Variants in TTLL11 observed in about 807,000 individuals in gnomAD.
The protein encoded by TTLL11 is tubulin polyglutamylase TTLL11.
In TTLL11, 42 loss-of-function variants were observed where a neutral mutation model predicts 51.7. The observed-to-expected ratio is 0.81, with a 90% CI of 0.64 to 1.05. The LOEUF (loss-of-function observed/expected upper bound fraction) is 1.05, where lower values mean the gene tolerates loss of function less well. Ranked by LOEUF, TTLL11 falls within the 50% of genes least tolerant of loss-of-function variation. The pLI is 0.00. For synonymous variants in TTLL11, 381 were observed against 383.5 expected, an observed-to-expected ratio of 0.99 and a Z score of 0.08; for missense variants, 799 against 940.4, an observed-to-expected ratio of 0.85 and a Z score of 1.97.
At chr9:121,999,701 T>C in intron 3 of TTLL11, among the ~76,000 whole-genome samples, 1 of 152,188 alleles carries the variant, frequency 6.6e-6, no homozygotes, top group Non-Finnish European at 1.5e-5. Flanking sequence ...CATCAAACTG[T>C]CATTTTTATA....
intron 1 of TTLL11, among the ~76,000 whole-genome samples, chr9:122,090,657 G>A (rs1016167944): frequency 3.9e-5 from 6 of 152,074 alleles, no homozygotes; most frequent in Non-Finnish European, 4.4e-5. Flanking sequence ...TTCATTCAAC[G>A]AATATTTATT....
intron 3 of TTLL11, among the ~76,000 whole-genome samples, chr9:122,018,039 CTA>C (rs1212764355): frequency 1.3e-5 from 2 of 151,662 alleles, no homozygotes; most frequent in Non-Finnish European, 2.9e-5. Context: ...TTTCACATGC[CTA>C]TACTAATTGA....
chr9:122,027,746 G>A (rs1003070415), intron 3 of TTLL11, among the ~76,000 whole-genome samples: 1 of 152,196 alleles, frequency 6.6e-6, no homozygotes, highest in African/African-American at 2.4e-5. Context: ...CCTGCACTGT[G>A]AGAAATGTGT....
At chr9:122,056,810 C>G (rs191643247) in intron 1 of TTLL11, among the ~76,000 whole-genome samples, 4 of 152,234 alleles carry the variant, frequency 2.6e-5, no homozygotes, top group East Asian at 3.9e-4. Flanking sequence ...CCAACAGAAC[C>G]GCTAATGCAA....
At chr9:121,958,353 G>T (rs553633480) in intron 6 of TTLL11, among the ~76,000 whole-genome samples, 1 of 152,142 alleles carries the variant, frequency 6.6e-6, no homozygotes, top group Non-Finnish European at 1.5e-5. Context: ...ATGGGTCTTT[G>T]CTCTGCCTTA....
At chr9:121,851,610 T>C (rs1225349724) in intron 8 of TTLL11, among the ~76,000 whole-genome samples, 1 of 152,204 alleles carries the variant, frequency 6.6e-6, no homozygotes, top group Non-Finnish European at 1.5e-5. Flanking sequence ...CTGGAGAAGA[T>C]ACAGTCAGGA....
intron 3 of TTLL11, among the ~76,000 whole-genome samples, chr9:122,009,845 T>A (rs1162705672): frequency 6.6e-6 from 1 of 152,026 alleles, no homozygotes; most frequent in East Asian, 1.9e-4. Context: ...GAAATCTAAA[T>A]CCAGTCCATG....
At chr9:121,920,628 T>C (rs539719532) in intron 6 of TTLL11, among the ~76,000 whole-genome samples, 2 of 152,350 alleles carry the variant, frequency 1.3e-5, no homozygotes, top group South Asian at 4.1e-4. Flanking sequence ...GCTTCGTACC[T>C]GAAGAGATGG....
At chr9:122,075,160 G>A (rs1182225156) in intron 1 of TTLL11, among the ~76,000 whole-genome samples, 1 of 152,036 alleles carries the variant, frequency 6.6e-6, no homozygotes, top group Non-Finnish European at 1.5e-5. Context: ...ATCCATTATT[G>A]TAACAAATTT....
In TTLL11 at chr9:121,822,761, G is replaced by A; in HGVS notation, c.1959C>T (p.Ser653=). ...SLIDLCEYHL[S]LLDEKRLVCG... is the part of the protein sequence containing the mutation. ...ACACCAGGCGTTTTTCATCCAGCAG[G>A]GACAGGTGGTACTCGCAAAGGTCAA... Residue 653 remains serine (S), a synonymous_variant, in exon 9 of 9, where the codon TCC becomes TCT. Coordinates refer to ENST00000321582, the MANE Select transcript of TTLL11 (RefSeq NM_001139442.2). This position sits in a 1 kb window ranked among gnomAD's most constrained non-coding sequence, Gnocchi z 5.8. The A allele has an allele frequency of 6.4e-7, 1 of 1,551,670 alleles. No individual in the cohort carries two copies. Among genetic ancestry groups the A allele is most frequent in the South Asian group, 1.2e-5 (1 of 84,058 alleles).
intron 6 of TTLL11, among the ~76,000 whole-genome samples, chr9:121,918,096 C>T (rs1840405683): frequency 6.6e-6 from 1 of 152,126 alleles, no homozygotes. Context: ...GGTCACTTTA[C>T]AGACCACGGA....
chr9:121,997,832 G>A (rs970607057), intron 3 of TTLL11, among the ~76,000 whole-genome samples: 2 of 152,058 alleles, frequency 1.3e-5, no homozygotes, highest in African/African-American at 4.8e-5. Context: ...CTCGCCCATG[G>A]GTGGCTGGGA....
intron 8 of TTLL11, among the ~76,000 whole-genome samples, chr9:121,854,018 T>C (rs1837744397): frequency 6.6e-6 from 1 of 152,222 alleles, no homozygotes; most frequent in African/African-American, 2.4e-5. Flanking sequence ...TTCCGTGTTT[T>C]GTTTCATTTC....
chr9:122,076,066 C>T (rs1290461077), intron 1 of TTLL11, among the ~76,000 whole-genome samples: 1 of 152,202 alleles, frequency 6.6e-6, no homozygotes, highest in African/African-American at 2.4e-5. Flanking sequence ...TGTGATGATA[C>T]TCACCCTGAG....
intron 6 of TTLL11, among the ~76,000 whole-genome samples, chr9:121,968,419 T>C (rs1449626335): frequency 6.6e-6 from 1 of 152,246 alleles, no homozygotes; most frequent in African/African-American, 2.4e-5. Context: ...ATGTCGATTC[T>C]AGTCCACAGT....
intron 8 of TTLL11, among the ~76,000 whole-genome samples, chr9:121,852,857 T>C (rs572760087): frequency 6.6e-6 from 1 of 152,332 alleles, no homozygotes; most frequent in South Asian, 2.1e-4. Flanking sequence ...GACTGCGAGA[T>C]AATTTCAAGG....
At chr9:122,075,199 GAATTT>G (rs1205877610) in intron 1 of TTLL11, among the ~76,000 whole-genome samples, 2 of 152,182 alleles carry the variant, frequency 1.3e-5, no homozygotes, top group Non-Finnish European at 2.9e-5. Flanking sequence ...CTATATTGAT[GAATTT>G]AATATTCTTT....
At chr9:122,063,087 T>C (rs1014571097) in intron 1 of TTLL11, among the ~76,000 whole-genome samples, 5 of 152,332 alleles carry the variant, frequency 3.3e-5, no homozygotes, top group South Asian at 2.1e-4. Flanking sequence ...GGCCTGAGTT[T>C]ATCTTACTAT....
At chr9:121,935,561 C>T (rs1467127999) in intron 6 of TTLL11, among the ~76,000 whole-genome samples, 1 of 152,162 alleles carries the variant, frequency 6.6e-6, no homozygotes, top group Non-Finnish European at 1.5e-5. Context: ...TTAGCAGGAA[C>T]TTAATCCAAT....
Sources: gnomAD v4.1 joint callset for allele counts (sites outside exome capture counted in the v4.1 genomes callset) on GRCh38, gnomAD v4.1.1 for gene constraint, Gnocchi (gnomAD v3.1) non-coding constraint, MANE v1.5 for transcripts, NCBI Gene and HGNC (gene_info 2026-07-23, HGNC 2026-07-21) for gene names.